SNTA1: variants seen among roughly 807,000 people sequenced by gnomAD.
SNTA1 encodes alpha-1-syntrophin.
A neutral mutation model predicts 47.1 loss-of-function variants in SNTA1; 31 were observed. The ratio of observed to expected loss-of-function variants is 0.66; its 90% CI spans 0.49 to 0.89. SNTA1 has a LOEUF of 0.89. Ranked by LOEUF, SNTA1 falls within the 40% of genes least tolerant of loss-of-function variation. SNTA1 has a pLI of 0.00. For synonymous variants in SNTA1, 300 were observed against 313.6 expected (o/e 0.96, Z 0.46); for missense variants, 575 against 693.0 (o/e 0.83, Z 1.91).
intron 2 of SNTA1, among the ~76,000 whole-genome samples, chr20:33,430,348 G>A (rs969776841): frequency 6.7e-6 from 1 of 149,096 alleles, no homozygotes; most frequent in African/African-American, 2.5e-5. Flanking sequence ...GAGTGCCGTG[G>A]CGTGATCTCA....
intron 2 of SNTA1, among the ~76,000 whole-genome samples, chr20:33,435,037 G>A (rs1384606205): frequency 7.1e-6 from 1 of 141,224 alleles, no homozygotes; most frequent in Non-Finnish European, 1.5e-5. Context: ...TTGTCGCCCA[G>A]GCTGGAGTGC....
chr20:33,438,639 G>C (rs1283755542), intron 2 of SNTA1, among the ~76,000 whole-genome samples: 1 of 152,144 alleles, frequency 6.6e-6, no homozygotes, highest in Non-Finnish European at 1.5e-5. Flanking sequence ...ATGCAAATCA[G>C]GTCTGCTTGG....
At chr20:33,428,631 G>T (rs1419810805) in intron 2 of SNTA1, among the ~76,000 whole-genome samples, 1 of 151,626 alleles carries the variant, frequency 6.6e-6, no homozygotes, top group African/African-American at 2.4e-5. Flanking sequence ...TTAGAGTACA[G>T]TGGCATAATC....
chr20:33,433,040 C>T (rs1182091368), intron 2 of SNTA1, among the ~76,000 whole-genome samples: 1 of 152,000 alleles, frequency 6.6e-6, no homozygotes, highest in Non-Finnish European at 1.5e-5. Context: ...AGTGATTCTC[C>T]TGTCTCAGCC....
intron 2 of SNTA1, among the ~76,000 whole-genome samples, chr20:33,422,439 A>AG (rs1491409580): frequency 1.7e-4 from 9 of 52,248 alleles, no homozygotes; most frequent in Non-Finnish European, 1.6e-4. Context: ...ACTCTGTCTC[A>AG]AAAAAAAAAA....
At chr20:33,442,978 A>T (rs540432578) in intron 1 of SNTA1, among the ~76,000 whole-genome samples, 6 of 147,494 alleles carry the variant, frequency 4.1e-5, no homozygotes, top group Non-Finnish European at 7.5e-5. Context: ...CTTTCTCCAC[A>T]CTCTGCTTTC....
intron 2 of SNTA1, among the ~76,000 whole-genome samples, chr20:33,433,838 C>A (rs1990369358): frequency 1.3e-5 from 2 of 152,174 alleles, no homozygotes; most frequent in South Asian, 4.1e-4. Flanking sequence ...GACATTTCTG[C>A]AAACCCCTGA....
intron 2 of SNTA1, among the ~76,000 whole-genome samples, chr20:33,438,261 C>G (rs532279776): frequency 4.5e-4 from 69 of 152,174 alleles, no homozygotes; most frequent in South Asian, 1.0e-3. Context: ...GATCATGCCA[C>G]TGTATTCCAG....
At chr20:33,439,410 T>C (rs1005450808) in intron 1 of SNTA1, among the ~76,000 whole-genome samples, 16 of 152,176 alleles carry the variant, frequency 1.1e-4, no homozygotes, top group African/African-American at 3.1e-4. Flanking sequence ...GAGGATCACT[T>C]GAGCCCAGGA....
intron 1 of SNTA1, among the ~76,000 whole-genome samples, chr20:33,442,735 T>G (rs139929108): frequency 2.8e-4 from 43 of 152,208 alleles, no homozygotes; most frequent in African/African-American, 9.6e-4. Context: ...AAGGTGGAGA[T>G]AGTCAGATCA....
At chr20:33,434,839 G>C (rs1328753467) in intron 2 of SNTA1, among the ~76,000 whole-genome samples, 1 of 151,318 alleles carries the variant, frequency 6.6e-6, no homozygotes, top group African/African-American at 2.4e-5. Flanking sequence ...CGCCTGCCTG[G>C]AGCTGCCACT....
intron 2 of SNTA1, among the ~76,000 whole-genome samples, chr20:33,433,687 C>G (rs1990366421): frequency 6.6e-6 from 1 of 152,142 alleles, no homozygotes; most frequent in Admixed American, 6.6e-5. Context: ...CAGGCCTGGC[C>G]TTCAAGGGCC....
intron 2 of SNTA1, among the ~76,000 whole-genome samples, chr20:33,423,167 G>T (rs1990075708): frequency 6.6e-6 from 1 of 152,124 alleles, no homozygotes; most frequent in Admixed American, 6.6e-5. Context: ...CCCAGATCTG[G>T]GTCCCCCTCC....
intron 1 of SNTA1, among the ~76,000 whole-genome samples, 196 bp from the exon 2 acceptor site, chr20:33,439,222 G>T (rs774516491): frequency 3.3e-5 from 5 of 152,154 alleles, no homozygotes; most frequent in African/African-American, 7.2e-5. Context: ...AATCATTTTT[G>T]ATTAGGTCCG....
At chr20:33,417,489 A>G (rs1351089344) in intron 3 of SNTA1, among the ~76,000 whole-genome samples, 4 of 152,226 alleles carry the variant, frequency 2.6e-5, no homozygotes, top group Non-Finnish European at 5.9e-5. Flanking sequence ...GTTCTTCCTC[A>G]GACCAAGTTC....
chr20:33,410,352 G>T (rs757910077), intron 5 of SNTA1, 21 bp from the exon 6 acceptor site: 4 of 1,532,930 alleles, frequency 2.6e-6, no homozygotes, highest in East Asian at 2.3e-5. Flanking sequence ...GGGGCAGAGG[G>T]CTGAGCATGA....
At position 33,410,317 on chromosome 20, in the gene SNTA1, C is replaced by A; in HGVS notation, c.1055G>T (p.Gly352Val). Residue 352 changes from glycine to valine, a missense_variant, in exon 6 of 8, where the codon GGC (glycine) becomes GTC (valine). Transcript: ENST00000217381. ...PLIATRLVHS[G>V]PSKGSVPYDA... Reference sequence around the variant, plus strand: ...GTAGGGCACTGAGCCCTTGGAGGGGCCTGAGTGCACCAGTCTGGGGGTTGG... The same window carrying A: ...GTAGGGCACTGAGCCCTTGGAGGGGACTGAGTGCACCAGTCTGGGGGTTGG... 1 of 1,604,964 alleles carries A rather than the reference C, an allele frequency of 6.2e-7. No homozygotes were observed. The highest frequency in any genetic ancestry group is 8.5e-7 in the Non-Finnish European group (1 of 1,176,314).
chr20:33,426,509 C>T (rs1395034646), intron 2 of SNTA1, among the ~76,000 whole-genome samples: 1 of 151,022 alleles, frequency 6.6e-6, no homozygotes, highest in Non-Finnish European at 1.5e-5. Flanking sequence ...TGCCTGTAAT[C>T]CCAGCACTTT....
At chr20:33,430,639 A>C (rs1990282246) in intron 2 of SNTA1, among the ~76,000 whole-genome samples, 1 of 151,908 alleles carries the variant, frequency 6.6e-6, no homozygotes, top group East Asian at 1.9e-4. Flanking sequence ...CCTGTAGTGC[A>C]GATAAGTATT....
Sources: allele counts gnomAD v4.1 joint callset (sites outside exome capture counted in the v4.1 genomes callset), GRCh38; gene constraint gnomAD v4.1.1; transcripts MANE v1.5; gene names NCBI Gene and HGNC (gene_info 2026-07-23, HGNC 2026-07-21).